The following TCF20 variants were observed in gnomAD, a reference collection of about 807,000 sequenced individuals.
TCF20 encodes the protein transcription factor 20, also known as SPRE-binding protein.
TCF20 carries 3 observed loss-of-function variants against 148.6 expected under a neutral mutation model. The observed-to-expected ratio is 0.02, with a 90% confidence interval of 0.01 to 0.05. The LOEUF is 0.05. Among genes scored for constraint, TCF20 ranks in the 10% least tolerant of loss-of-function variants. TCF20 has a pLI of 1.00. For synonymous variants in TCF20, 1,049 were observed against 909.5 expected, an observed-to-expected ratio of 1.15 and a Z score of -2.76; for missense variants, 2,350 against 2,429.3, an observed-to-expected ratio of 0.97 and a Z score of 0.69.
At chr22:42,273,643 AAAAC>A (rs201816026), upstream of TCF20, among the ~76,000 whole-genome samples, 151 of 152,104 alleles carry the variant, frequency 9.9e-4, no homozygotes, top group Middle Eastern at 3.4e-3. Context: ...AGTAAAAAAA[AAAAC>A]AAACAAAAAA....
chr22:42,217,546 G>C (rs546759191), intron 1 of TCF20, among the ~76,000 whole-genome samples: 1 of 152,330 alleles, frequency 6.6e-6, no homozygotes, highest in Admixed American at 6.5e-5. Flanking sequence ...ACTGTTCCTT[G>C]CTGTAATCCT....
chr22:42,263,623 G>A (rs1313157718), intron 1 of TCF20, among the ~76,000 whole-genome samples: 1 of 152,066 alleles, frequency 6.6e-6, no homozygotes, highest in East Asian at 1.9e-4. Flanking sequence ...ACCTATTTTG[G>A]ACCAAGGCAT....
chr22:42,186,602 A>G (rs1255867203), intron 2 of TCF20, among the ~76,000 whole-genome samples: 1 of 152,148 alleles, frequency 6.6e-6, no homozygotes, highest in Non-Finnish European at 1.5e-5. Flanking sequence ...GGGTCTGGAC[A>G]CCTGCTGCTG....
chr22:42,217,323 GCT>G (rs966611583), intron 1 of TCF20, among the ~76,000 whole-genome samples: 2 of 152,156 alleles, frequency 1.3e-5, no homozygotes, highest in African/African-American at 4.8e-5. Context: ...CAGATAGCTT[GCT>G]CTCCTTCCAG....
At chr22:42,188,521 T>C (rs1028599027) in intron 2 of TCF20, among the ~76,000 whole-genome samples, 1 of 152,146 alleles carries the variant, frequency 6.6e-6, no homozygotes, top group Non-Finnish European at 1.5e-5. Flanking sequence ...GCCTTATTAA[T>C]GTGTCAATCC....
Position 42,249,793 on chromosome 22 carries a change from G to A in TCF20, c.-37+20546C>T, listed in dbSNP as rs1428378467. Among the ~76,000 whole-genome samples, 2 of 152,168 alleles carry A rather than the reference G, an allele frequency of 1.3e-5. 1 individual carries two copies. The highest frequency in any genetic ancestry group is 3.8e-4 in the East Asian group (2 of 5,196). On this transcript the variant is annotated intron_variant, in intron 1 of 5. Transcript: ENST00000677622. ...GCTCCTTCACACATAGTGCCAATTT[G>A]CTATGCTATATATTTTATCTTCACA...
intron 1 of TCF20, among the ~76,000 whole-genome samples, chr22:42,282,084 A>C (rs1008503261): frequency 6.6e-6 from 1 of 152,202 alleles, no homozygotes; most frequent in Non-Finnish European, 1.5e-5. Flanking sequence ...AGAAGACTTG[A>C]CCAGAAAAGA....
At chr22:42,337,647 T>A (rs1293328194) in intron 1 of TCF20, among the ~76,000 whole-genome samples, 1 of 152,200 alleles carries the variant, frequency 6.6e-6, no homozygotes, top group African/African-American at 2.4e-5. Flanking sequence ...ACATTACTGG[T>A]TGCAAGAGAA....
chr22:42,192,537 C>G (rs1937388073), intron 2 of TCF20, among the ~76,000 whole-genome samples: 1 of 152,178 alleles, frequency 6.6e-6, no homozygotes, highest in African/African-American at 2.4e-5. Context: ...GGCAGCCTGA[C>G]AGGACAGACA....
At chr22:42,328,643 C>A (rs1487598004) in intron 1 of TCF20, among the ~76,000 whole-genome samples, 1 of 152,266 alleles carries the variant, frequency 6.6e-6, no homozygotes, top group African/African-American at 2.4e-5. Context: ...CTTAACCTCT[C>A]TGTGCCTCCG....
rs3045578 is a variant in TCF20 at position 42,243,292 on chromosome 22, CAAAAAAAAAAAA to C, written c.-37+27035_-37+27046del. On this transcript the variant is annotated intron_variant, in intron 1 of 5. Transcript: ENST00000677622. Reference sequence around the variant, plus strand: ...TGGCTGGCAGAGCAAGACACTGTCTCAAAAAAAAAAAAAAAAAAAAAAAAAAAAAGTCAGGCA... The same window carrying C: ...TGGCTGGCAGAGCAAGACACTGTCTCAAAAAAAAAAAAAAAAAGTCAGGCA... Among the ~76,000 whole-genome samples the C allele has an allele frequency of 1.6e-3, 62 of 39,502 alleles. 2 individuals are homozygous for C. The highest frequency in any genetic ancestry group is 4.5e-3 in the African/African-American group (53 of 11,758). The allele number at this position is 39,502 out of a possible 152,430, so 25.9% of individuals were successfully genotyped here. A position where few individuals can be genotyped will look rare whatever the true frequency, so the allele number is the denominator to read the frequency against.
rs1935393581 is a variant in TCF20, at chr22:42,160,729, A to G, written c.*674T>C. On this transcript the variant is annotated 3_prime_UTR_variant, in exon 6 of 6. Transcript: ENST00000677622. ...AAACATCATTCCCCTACTCTTGAAA[A>G]CATGGACCATCCCTGTATTTCCCCC... The G allele has an allele frequency of 6.6e-6, 1 of 152,254 alleles. No homozygotes were observed. The highest frequency in any genetic ancestry group is 1.5e-5 in the Non-Finnish European group (1 of 68,032). The allele number at this position is 152,254 out of a possible 1,614,324, so 9.4% of individuals were successfully genotyped here. A position where few individuals can be genotyped will look rare whatever the true frequency, so the allele number is the denominator to read the frequency against.
intron 1 of TCF20, among the ~76,000 whole-genome samples, chr22:42,229,994 T>C (rs1337634675): frequency 6.6e-6 from 1 of 152,292 alleles, no homozygotes; most frequent in South Asian, 2.1e-4. Context: ...GCTACTAGAC[T>C]TCCCTCCAAT....
At chr22:42,177,947 G>C (rs942575072) in intron 3 of TCF20, among the ~76,000 whole-genome samples, 15 of 152,324 alleles carry the variant, frequency 9.8e-5, no homozygotes, top group Non-Finnish European at 8.8e-5. Context: ...GCACCAGAGA[G>C]ACGAAGCTGT....
intron 1 of TCF20, among the ~76,000 whole-genome samples, chr22:42,310,880 T>C (rs1345075438): frequency 6.6e-6 from 1 of 152,212 alleles, no homozygotes; most frequent in Non-Finnish European, 1.5e-5. Context: ...CCCTCTTTTC[T>C]CCCCAGCAGA....
At chr22:42,253,933 G>A (rs898744546) in intron 1 of TCF20, among the ~76,000 whole-genome samples, 2 of 152,036 alleles carry the variant, frequency 1.3e-5, no homozygotes, top group Admixed American at 6.6e-5. Context: ...AAAATTAGCC[G>A]GGTGTAGTGG....
At chr22:42,206,384 C>T (rs936401059) in intron 2 of TCF20, among the ~76,000 whole-genome samples, 16 of 151,938 alleles carry the variant, frequency 1.1e-4, no homozygotes, top group Non-Finnish European at 2.2e-4. Context: ...GGTGAAACCC[C>T]ACAACAAAGT....
At chr22:42,289,709 CTT>C (rs781228834) in intron 1 of TCF20, among the ~76,000 whole-genome samples, 8 of 152,166 alleles carry the variant, frequency 5.3e-5, no homozygotes, top group Non-Finnish European at 1.2e-4. Context: ...ACCACACACA[CTT>C]TTATCTGCTG....
intron 1 of TCF20, among the ~76,000 whole-genome samples, chr22:42,331,232 C>T (rs2147058482): frequency 6.6e-6 from 1 of 152,364 alleles, no homozygotes; most frequent in Admixed American, 6.5e-5. Flanking sequence ...ACCCGCCCGC[C>T]TGGCTGACAA....
Sources: allele counts gnomAD v4.1 joint callset (sites outside exome capture counted in the v4.1 genomes callset), GRCh38; gene constraint gnomAD v4.1.1; transcripts MANE v1.5; gene names NCBI Gene and HGNC (gene_info 2026-07-23, HGNC 2026-07-21).